Variants in ZCCHC7 observed in about 807,000 individuals in gnomAD.
The protein encoded by ZCCHC7 is zinc finger CCHC domain-containing protein 7.
In ZCCHC7, 35 loss-of-function variants were observed where a neutral mutation model predicts 52.0. The observed-to-expected ratio is 0.67, with a 90% confidence interval of 0.51 to 0.89. The LOEUF is 0.89. Among genes scored for constraint, ZCCHC7 ranks in the 40% least tolerant of loss-of-function variants. The pLI is 0.00. For synonymous variants in ZCCHC7, 217 were observed against 221.5 expected, an observed-to-expected ratio of 0.98 and a Z score of 0.18; for missense variants, 574 against 649.1, an observed-to-expected ratio of 0.88 and a Z score of 1.26.
intron 2 of ZCCHC7, among the ~76,000 whole-genome samples, chr9:37,255,598 G>A (rs1564205556): frequency 2.6e-5 from 4 of 152,078 alleles, no homozygotes; most frequent in Admixed American, 1.3e-4. Context: ...TGAACCCACC[G>A]ATAATGGAAG....
chr9:37,259,404 C>T (rs1826756000), intron 2 of ZCCHC7, among the ~76,000 whole-genome samples: 3 of 152,074 alleles, frequency 2.0e-5, no homozygotes, highest in Admixed American at 1.3e-4. Context: ...TTTTAGTCAT[C>T]AAAATTTATA....
rs375092392 is a variant in ZCCHC7, at chr9:37,213,106, T to G, written c.610+86164T>G. On this transcript the variant is annotated intron_variant, in intron 2 of 8. Transcript: ENST00000336755. ...TGCAAATACATGTATACTTTTCTGC[T>G]GAATTTTTATTTACCAATAAAATTG... 2.0e-5 allele frequency among the ~76,000 whole-genome samples: 3 copies of G among 152,364 alleles called. No homozygotes were observed. The East Asian group carries it at 5.8e-4, about 29-fold the overall frequency.
chr9:37,288,550 C>T (rs1828376038), intron 2 of ZCCHC7, among the ~76,000 whole-genome samples: 1 of 151,988 alleles, frequency 6.6e-6, no homozygotes, highest in South Asian at 2.1e-4. Flanking sequence ...TCTATATTTA[C>T]TGCCCCTGAA....
chr9:37,278,443 A>G (rs955674853), intron 2 of ZCCHC7, among the ~76,000 whole-genome samples: 4 of 152,190 alleles, frequency 2.6e-5, no homozygotes, highest in Admixed American at 6.5e-5. Flanking sequence ...CAAATCACTC[A>G]ATCTGAAAAA....
intron 2 of ZCCHC7, among the ~76,000 whole-genome samples, chr9:37,236,588 G>T (rs971592259): frequency 1.1e-4 from 16 of 151,990 alleles, no homozygotes; most frequent in Non-Finnish European, 1.9e-4. Context: ...CAGAGACAGG[G>T]TTTCACCGTG....
At chr9:37,253,622 T>TA (rs1331426439) in intron 2 of ZCCHC7, among the ~76,000 whole-genome samples, 8 of 151,414 alleles carry the variant, frequency 5.3e-5, no homozygotes, top group Admixed American at 2.0e-4. Context: ...GAGATTCACA[T>TA]AAAAAAAAAT....
chr9:37,347,795 T>C (rs1434387233), intron 6 of ZCCHC7, among the ~76,000 whole-genome samples: 1 of 152,226 alleles, frequency 6.6e-6, no homozygotes, highest in Admixed American at 6.5e-5. Context: ...CACAGTAAGG[T>C]TATCTGTGAG....
chr9:37,241,759 T>C (rs1825882691), intron 2 of ZCCHC7, among the ~76,000 whole-genome samples: 1 of 151,780 alleles, frequency 6.6e-6, no homozygotes, highest in Non-Finnish European at 1.5e-5. Flanking sequence ...AGTGAGATAC[T>C]AAAGTGCCAG....
chr9:37,120,776 G>T, intron 1 of ZCCHC7, 153 bp downstream of exon 1: 1 of 336,984 alleles, frequency 3.0e-6, no homozygotes, highest in Non-Finnish European at 5.4e-6. Context: ...CGCAGCTCCT[G>T]GTCCGTCACC....
intron 5 of ZCCHC7, 191 bp from the exon 6 acceptor site, chr9:37,327,608 A>T (rs916530857): frequency 4.1e-6 from 2 of 482,620 alleles, no homozygotes; most frequent in Non-Finnish European, 7.4e-6. Flanking sequence ...AATGGCGGGG[A>T]GTGTGTTAAA....
Position 37,120,626 on chromosome 9 carries a change from G to A in ZCCHC7, c.-22+3G>A. On this transcript the variant is annotated splice_donor_region_variant and intron_variant, in intron 1 of 8. Coordinates refer to ENST00000336755, the MANE Select transcript of ZCCHC7 (RefSeq NM_032226.3). ...GCTTCCTGTTCGCAGCTGCGGCAGTGAGTATGTGTGTGACGGACCCCCGCC... is the reference window on the plus strand; with the variant it reads ...GCTTCCTGTTCGCAGCTGCGGCAGTAAGTATGTGTGTGACGGACCCCCGCC... 2.5e-6 allele frequency: 1 copy of A among 397,440 alleles called. No individual in the cohort carries two copies. Among genetic ancestry groups the A allele is most frequent in the South Asian group, 1.3e-4 (1 of 7,862 alleles). 24.6% of individuals were successfully genotyped at this position (397,440 alleles called of 1,614,324 possible). A position where few individuals can be genotyped will look rare whatever the true frequency, so the allele number is the denominator to read the frequency against.
At chr9:37,284,507 G>C (rs1441297741) in intron 2 of ZCCHC7, among the ~76,000 whole-genome samples, 1 of 151,758 alleles carries the variant, frequency 6.6e-6, no homozygotes, top group East Asian at 1.9e-4. Context: ...TGTTTTTACA[G>C]CTTTTTTGCT....
In ZCCHC7 at chr9:37,323,961, C is replaced by G. The variant is rs1830146090; in HGVS notation, c.952-3838C>G. Among the ~76,000 whole-genome samples, 3 of 152,188 alleles carry G rather than the reference C, an allele frequency of 2.0e-5. No homozygotes were observed. In the South Asian group the frequency reaches 6.2e-4, roughly 32 times the overall value. ...GTAGGGGCGTTCTTTTTAATAAAGGCACCTAAACTTATATTTGTGTGCATA... is the reference window on the plus strand; with the variant it reads ...GTAGGGGCGTTCTTTTTAATAAAGGGACCTAAACTTATATTTGTGTGCATA... On this transcript the variant is annotated intron_variant, in intron 5 of 8. Transcript: ENST00000336755.
Position 37,199,710 on chromosome 9 carries a change from GTCTT to G in ZCCHC7, c.610+72784_610+72787del, listed in dbSNP as rs529640378. Among the ~76,000 whole-genome samples, 902 of 114,172 alleles carry G rather than the reference GTCTT, an allele frequency of 7.9e-3. 2 individuals carry two copies. The highest frequency in any genetic ancestry group is 0.018 in the South Asian group (64 of 3,568). 74.9% of individuals were successfully genotyped at this position (114,172 alleles called of 152,430 possible). On this transcript the variant is annotated intron_variant, in intron 2 of 8. Transcript: ENST00000336755. ...TGTCTTTCTGTCTGTCTTTCTTTCT[GTCTT>G]TCTTTCTTTCTTTCTCCTTTTCTCT...
chr9:37,158,107 C>G lies in ZCCHC7; in HGVS notation c.610+31165C>G, dbSNP rs769520189. On this transcript the variant is annotated intron_variant, in intron 2 of 8. Transcript: ENST00000336755. ...CCTGCCACTCTTGATTATTTAATATCCTGTAGCATCGGTATGTTTTATAAA... is the reference window on the plus strand; with the variant it reads ...CCTGCCACTCTTGATTATTTAATATGCTGTAGCATCGGTATGTTTTATAAA... 4.6e-5 allele frequency among the ~76,000 whole-genome samples: 7 copies of G among 152,276 alleles called. No individual in the cohort carries two copies. In the Middle Eastern group the frequency reaches 0.01, roughly 222 times the overall value.
chr9:37,297,407 A>G (rs973801654), intron 2 of ZCCHC7, among the ~76,000 whole-genome samples: 1 of 152,358 alleles, frequency 6.6e-6, no homozygotes, highest in Admixed American at 6.5e-5. Context: ...TTAACTTGAC[A>G]CTATTAAATG....
intron 2 of ZCCHC7, among the ~76,000 whole-genome samples, chr9:37,277,384 A>C (rs1827731407): frequency 6.6e-6 from 1 of 152,162 alleles, no homozygotes; most frequent in Non-Finnish European, 1.5e-5. Flanking sequence ...GCTCATGCGT[A>C]TTATCCCAGC....
At chr9:37,297,407 A>C (rs973801654) in intron 2 of ZCCHC7, among the ~76,000 whole-genome samples, 1 of 152,240 alleles carries the variant, frequency 6.6e-6, no homozygotes, top group East Asian at 1.9e-4. Flanking sequence ...TTAACTTGAC[A>C]CTATTAAATG....
intron 2 of ZCCHC7, among the ~76,000 whole-genome samples, chr9:37,158,503 A>C (rs1820930446): frequency 6.6e-6 from 1 of 152,206 alleles, no homozygotes; most frequent in Non-Finnish European, 1.5e-5. Flanking sequence ...TCTGGAGGGA[A>C]CATGAAGGGG....
Sources: allele counts gnomAD v4.1 joint callset (sites outside exome capture counted in the v4.1 genomes callset), GRCh38; gene constraint gnomAD v4.1.1; transcripts MANE v1.5; gene names NCBI Gene and HGNC (gene_info 2026-07-23, HGNC 2026-07-21).